The following KCNH8 variants were observed in gnomAD, a reference collection of about 807,000 sequenced individuals.
The protein encoded by KCNH8 is potassium voltage-gated channel subfamily H member 8, also known as voltage-gated delayed rectifier potassium channel KCNH8.
In KCNH8, 70 loss-of-function variants were observed where a neutral mutation model predicts 103.6. The observed-to-expected ratio is 0.68, with a 90% CI of 0.56 to 0.82. The LOEUF is 0.82. Among genes scored for constraint, KCNH8 ranks in the 40% least tolerant of loss-of-function variants. The probability of loss-of-function intolerance (pLI) is 0.00; values close to 1 mark genes in which losing one functional copy is unlikely to be tolerated. For missense variants in KCNH8, 1,217 were observed against 1,329.9 expected, an observed-to-expected ratio of 0.92 and a Z score of 1.32; for synonymous variants, 498 against 489.4, an observed-to-expected ratio of 1.02 and a Z score of -0.23.
chr3:19,238,785 T>C (rs1240157907), intron 1 of KCNH8, among the ~76,000 whole-genome samples: 2 of 152,230 alleles, frequency 1.3e-5, no homozygotes, highest in African/African-American at 2.4e-5. Flanking sequence ...TGAGCTTTTG[T>C]TGAAAATTAT....
chr3:19,193,803 C>T (rs1443936010), intron 1 of KCNH8, among the ~76,000 whole-genome samples: 1 of 151,742 alleles, frequency 6.6e-6, no homozygotes, highest in Non-Finnish European at 1.5e-5. Flanking sequence ...TTGAAAGCTT[C>T]AAACATCTTC....
At chr3:19,528,119 G>A (rs1232295643) in intron 15 of KCNH8, among the ~76,000 whole-genome samples, 1 of 151,840 alleles carries the variant, frequency 6.6e-6, no homozygotes, top group South Asian at 2.1e-4. Context: ...AGAGGAAGAG[G>A]GGAAAGTGGA....
intron 5 of KCNH8, among the ~76,000 whole-genome samples, chr3:19,387,802 T>C (rs2125128976): frequency 6.6e-6 from 1 of 152,276 alleles, no homozygotes; most frequent in Admixed American, 6.5e-5. Flanking sequence ...ATAAAAGTCT[T>C]ATAATTACTT....
chr3:19,188,238 A>G (rs912330910), intron 1 of KCNH8, among the ~76,000 whole-genome samples: 4 of 152,214 alleles, frequency 2.6e-5, no homozygotes, highest in African/African-American at 9.6e-5. Flanking sequence ...AACTTTTATG[A>G]TAATATTTGT....
chr3:19,326,140 C>A (rs2065420078), intron 3 of KCNH8, among the ~76,000 whole-genome samples: 1 of 151,730 alleles, frequency 6.6e-6, no homozygotes, highest in Admixed American at 6.6e-5. Flanking sequence ...ATGATGAGAA[C>A]TCATAGACAC....
At chr3:19,212,713 A>T (rs534817561) in intron 1 of KCNH8, among the ~76,000 whole-genome samples, 5 of 152,330 alleles carry the variant, frequency 3.3e-5, no homozygotes, top group African/African-American at 1.2e-4. Context: ...TCTGGCAAAG[A>T]TAATTCAGGA....
At chr3:19,149,003 G>T (rs748018528) in intron 1 of KCNH8, among the ~76,000 whole-genome samples, 3 of 152,126 alleles carry the variant, frequency 2.0e-5, no homozygotes, top group Admixed American at 2.0e-4. Context: ...TGGCTCTCTT[G>T]AGTTCTTGGG....
intron 11 of KCNH8, among the ~76,000 whole-genome samples, chr3:19,508,379 T>A (rs1179042173): frequency 6.6e-6 from 1 of 152,212 alleles, no homozygotes; most frequent in Non-Finnish European, 1.5e-5. Context: ...GTATTGCATT[T>A]AACCTTAATA....
intron 15 of KCNH8, among the ~76,000 whole-genome samples, chr3:19,531,511 A>G (rs1575180890): frequency 1.3e-5 from 2 of 152,234 alleles, no homozygotes; most frequent in African/African-American, 4.8e-5. Flanking sequence ...AAAAGCCTGG[A>G]CAAGTATTCA....
chr3:19,503,217 A>G (rs1251144075), intron 11 of KCNH8, among the ~76,000 whole-genome samples: 1 of 151,724 alleles, frequency 6.6e-6, no homozygotes, highest in African/African-American at 2.4e-5. Context: ...GCAAATCAAA[A>G]CCACAATGAG....
At chr3:19,505,251 T>C (rs2068669433) in intron 11 of KCNH8, among the ~76,000 whole-genome samples, 1 of 151,742 alleles carries the variant, frequency 6.6e-6, no homozygotes, top group Admixed American at 6.6e-5. Context: ...GGGAACTAAA[T>C]GATGAAAACA....
intron 5 of KCNH8, among the ~76,000 whole-genome samples, chr3:19,354,172 A>C (rs916517005): frequency 6.6e-6 from 1 of 152,200 alleles, no homozygotes; most frequent in African/African-American, 2.4e-5. Context: ...CCAACTTACA[A>C]GGGATGTGAA....
rs771209452 is a variant in KCNH8, at chr3:19,448,925, C to T, written c.1376-1181C>T. 135 of 1,258,826 alleles carry T rather than the reference C, an allele frequency of 1.1e-4. No homozygotes were observed. The African/African-American group carries it at 2.0e-3, about 18-fold the overall frequency. 78.0% of individuals were successfully genotyped at this position (1,258,826 alleles called of 1,614,324 possible). ...ACGTGCTTGACCCTCATCTTTCTCT[C>T]AGTTTCACAGTTCCAGGTGTGTCCA... On this transcript the variant is annotated intron_variant, in intron 8 of 15. Transcript: ENST00000328405.
intron 11 of KCNH8, among the ~76,000 whole-genome samples, chr3:19,462,520 C>A (rs1469034488): frequency 6.6e-6 from 1 of 152,068 alleles, no homozygotes; most frequent in African/African-American, 2.4e-5. Context: ...TGTTTAAGTT[C>A]TTTGTAGATT....
chr3:19,476,535 C>A (rs887410582), intron 11 of KCNH8, among the ~76,000 whole-genome samples: 6 of 152,008 alleles, frequency 3.9e-5, no homozygotes, highest in African/African-American at 1.5e-4. Flanking sequence ...GCCATTGTAC[C>A]CTAATCAGAA....
At chr3:19,374,181 G>A (rs565622873) in intron 5 of KCNH8, among the ~76,000 whole-genome samples, 6 of 150,676 alleles carry the variant, frequency 4.0e-5, no homozygotes, top group East Asian at 3.9e-4. Context: ...TTTCTGTCTC[G>A]TTGATCTGTC....
intron 2 of KCNH8, among the ~76,000 whole-genome samples, chr3:19,266,137 C>T (rs1207218408): frequency 1.3e-5 from 2 of 152,002 alleles, no homozygotes; most frequent in East Asian, 1.9e-4. Flanking sequence ...AGGGGTGCCT[C>T]GTTGCCTTTC....
chr3:19,287,618 G>T (rs980573547), intron 3 of KCNH8, among the ~76,000 whole-genome samples: 1 of 151,814 alleles, frequency 6.6e-6, no homozygotes, highest in African/African-American at 2.4e-5. Context: ...TTGGAGTCTT[G>T]CTCTGTTGCC....
At chr3:19,228,410 G>C (rs752895647) in intron 1 of KCNH8, among the ~76,000 whole-genome samples, 1 of 151,990 alleles carries the variant, frequency 6.6e-6, no homozygotes, top group African/African-American at 2.4e-5. Flanking sequence ...TCACAAGCTC[G>C]TGCCAGGCTT....
Sources: gnomAD v4.1 joint callset for allele counts (sites outside exome capture counted in the v4.1 genomes callset) on GRCh38, gnomAD v4.1.1 for gene constraint, MANE v1.5 for transcripts, NCBI Gene and HGNC (gene_info 2026-07-23, HGNC 2026-07-21) for gene names.